The following MRC2 variants were observed in gnomAD, a reference collection of about 807,000 sequenced individuals.
MRC2 encodes the protein mannose receptor C-type 2.
In MRC2, 84 loss-of-function variants were observed where a neutral mutation model predicts 206.2. That is an observed-to-expected ratio of 0.41 (90% CI 0.34 to 0.49). The LOEUF (loss-of-function observed/expected upper bound fraction) is 0.49, where lower values mean the gene tolerates loss of function less well. Ranked by LOEUF, MRC2 falls within the 20% of genes least tolerant of loss-of-function variation. The pLI is 0.31. For missense variants in MRC2, 1,676 were observed against 2,001.5 expected (o/e 0.84, Z 3.10); for synonymous variants, 798 against 800.0 (o/e 1.00, Z 0.04).
rs376547621 is a variant in MRC2 at position 62,664,506 on chromosome 17, G to C, written c.119-42G>C. ...ACACCGGTCATCAAGGGCCAACCAGGAGAGCCCCTGTGATGCCTTCGTGTC... is the reference window on the plus strand; with the variant it reads ...ACACCGGTCATCAAGGGCCAACCAGCAGAGCCCCTGTGATGCCTTCGTGTC... On this transcript the variant is annotated intron_variant, in intron 1 of 29. Coordinates refer to ENST00000303375, the MANE Select transcript of MRC2 (RefSeq NM_006039.5). This position sits in a 1 kb window ranked among gnomAD's most constrained non-coding sequence, Gnocchi z 4.7. 6.4e-7 allele frequency: 1 copy of C among 1,568,292 alleles called. No individual in the cohort carries two copies. The highest frequency in any genetic ancestry group is 1.3e-5 in the African/African-American group (1 of 74,248).
intron 12 of MRC2, among the ~76,000 whole-genome samples, chr17:62,678,166 G>C (rs966885281): frequency 3.3e-5 from 5 of 152,218 alleles, no homozygotes; most frequent in Admixed American, 6.5e-5. Flanking sequence ...CTAGGTTTGG[G>C]AGCCACTGGC....
In MRC2 at chr17:62,627,874, C is replaced by T; in HGVS notation, c.72C>T (p.Cys24=). The change falls in exon 1 of 30, where the codon TGC becomes TGT. Residue 24 remains cysteine (C), a synonymous_variant. Coordinates refer to ENST00000303375, the MANE Select transcript of MRC2 (RefSeq NM_006039.5). ...TGCGCTGCGTCCTGCTCCTCGGGTG[C>T]CTGCACCTCGGCCGTCCCGGCGCCC... is the stretch of plus-strand genomic sequence containing the variant. ...HLLRCVLLLG[C]LHLGRPGAPG... 1 of 1,475,122 alleles carries T rather than the reference C, an allele frequency of 6.8e-7. No homozygotes were observed. Among genetic ancestry groups the T allele is most frequent in the Admixed American group, 2.4e-5 (1 of 41,844 alleles). 91.4% of individuals were successfully genotyped at this position (1,475,122 alleles called of 1,614,324 possible). A position where few individuals can be genotyped will look rare whatever the true frequency, so the allele number is the denominator to read the frequency against.
intron 1 of MRC2, among the ~76,000 whole-genome samples, chr17:62,640,520 T>G (rs1001955936): frequency 1.3e-5 from 2 of 151,994 alleles, no homozygotes; most frequent in Non-Finnish European, 2.9e-5. Flanking sequence ...GGTCCACTTT[T>G]TTGTTTTGTT....
At chr17:62,653,541 G>A (rs929025832) in intron 1 of MRC2, among the ~76,000 whole-genome samples, 3 of 152,180 alleles carry the variant, frequency 2.0e-5, no homozygotes, top group African/African-American at 7.2e-5. Context: ...GGATATCACA[G>A]TCTGCAGCAC....
At chr17:62,662,523 C>A (rs2088693049) in intron 1 of MRC2, among the ~76,000 whole-genome samples, 1 of 152,204 alleles carries the variant, frequency 6.6e-6, no homozygotes, top group Non-Finnish European at 1.5e-5. Context: ...TGTATTATCT[C>A]ATTTCATCGT....
Position 62,664,904 on chromosome 17 carries a change from CGCATCTACGGCA to C in MRC2, c.478_489del (p.Ile160_Ser163del). ...TGACCAGACCCGCAGTGGCCAGTGG[CGCATCTACGGCA>C]GCGAGGAGGACCTATGTGCTCTGCC... On this transcript the variant is annotated inframe_deletion, in exon 2 of 30. Transcript: ENST00000303375. The surrounding 1 kb of genome is among the most constrained non-coding windows in gnomAD (Gnocchi z 4.7). 6.2e-7 allele frequency: 1 copy of C among 1,612,922 alleles called. No homozygotes were observed.
At chr17:62,673,939 A>C in intron 8 of MRC2, 124 bp from the exon 9 acceptor site, 4 of 736,768 alleles carry the variant, frequency 5.4e-6, no homozygotes, top group Non-Finnish European at 9.2e-6. Context: ...GCTGGGACAC[A>C]GACATGTCAG....
intron 6 of MRC2, among the ~76,000 whole-genome samples, chr17:62,670,535 A>G (rs182584602): frequency 2.8e-4 from 43 of 152,388 alleles, no homozygotes; most frequent in Non-Finnish European, 1.5e-5. Flanking sequence ...CTGCCCGAGC[A>G]TGACACTGTG....
At position 62,690,009 on chromosome 17, in the gene MRC2, G is replaced by C; in HGVS notation, c.3689G>C (p.Arg1230Pro). 6.2e-7 allele frequency: 1 copy of C among 1,611,254 alleles called. No homozygotes were observed. Among genetic ancestry groups the C allele is most frequent in the South Asian group, 1.1e-5 (1 of 90,806 alleles). Residue 1230 changes from arginine (R) to proline (P), a missense_variant, in exon 25 of 30, where the codon CGC becomes CCC. Arg to Pro is a moderately radical substitution (Grantham distance 103). Coordinates refer to ENST00000303375, the MANE Select transcript of MRC2 (RefSeq NM_006039.5). ...CTYVDVDGAWRTTSCDTKLQG... is the reference protein window; with the variant it reads ...CTYVDVDGAWPTTSCDTKLQG... ...TACGTAGATGTGGACGGGGCCTGGC[G>C]CACCACCAGCTGTGACACCAAGCTG...
chr17:62,673,685 T>C (rs1013465961), intron 8 of MRC2, among the ~76,000 whole-genome samples: 1 of 152,014 alleles, frequency 6.6e-6, no homozygotes, highest in African/African-American at 2.4e-5. Context: ...ACTTTTTGTA[T>C]TTTCAGTAGA....
Position 62,675,859 on chromosome 17 carries a change from C to A in MRC2, c.1639C>A (p.Arg547Ser). 1 of 1,614,116 alleles carries A rather than the reference C, an allele frequency of 6.2e-7. No individual in the cohort carries two copies. The highest frequency in any genetic ancestry group is 8.5e-7 in the Non-Finnish European group (1 of 1,180,004). Residue 547 changes from arginine (R) to serine (S), a missense_variant, in exon 10 of 30, where the codon CGC becomes AGC. Physicochemically the swap from Arg to Ser is moderately radical, Grantham distance 110. Coordinates refer to ENST00000303375, the MANE Select transcript of MRC2 (RefSeq NM_006039.5). This position sits in a 1 kb window ranked among gnomAD's most constrained non-coding sequence, Gnocchi z 4.1. ...CCAAGTGACCTACAGTGAGGCCCGG[C>A]GCCTGTGCACTGACCATGGCTCTCA... Reference protein sequence around the residue: ...EDQVTYSEARRLCTDHGSQLV... With the variant: ...EDQVTYSEARSLCTDHGSQLV...
chr17:62,654,519 G>A (rs1160408359), intron 1 of MRC2, among the ~76,000 whole-genome samples: 1 of 152,100 alleles, frequency 6.6e-6, no homozygotes, highest in East Asian at 1.9e-4. Flanking sequence ...CTTGTGGAGA[G>A]CAGCCGTCTT....
chr17:62,653,027 C>G (rs1184347695), intron 1 of MRC2, among the ~76,000 whole-genome samples: 1 of 152,046 alleles, frequency 6.6e-6, no homozygotes, highest in Non-Finnish European at 1.5e-5. Context: ...CAAGGTGTGC[C>G]CGCCCCCGGG....
At chr17:62,630,333 C>T (rs1197910461) in intron 1 of MRC2, among the ~76,000 whole-genome samples, 7 of 152,118 alleles carry the variant, frequency 4.6e-5, no homozygotes, top group Non-Finnish European at 8.8e-5. Context: ...TTTTGCAGTT[C>T]AGGAAATGAA....
In MRC2 at chr17:62,667,623, G is replaced by A. The variant is rs1049354511; in HGVS notation, c.1117+90G>A. On this transcript the variant is annotated intron_variant, in intron 6 of 29. Transcript: ENST00000303375. This position sits in a 1 kb window ranked among gnomAD's most constrained non-coding sequence, Gnocchi z 4.1. The stretch of plus-strand genomic sequence containing the variant: ...CCGTGGCAGGCCCAGCCTCTCCTCC[G>A]GTTACCACCACAGCACAAGGGGACT... 1.3e-5 allele frequency: 18 copies of A among 1,415,986 alleles called. No homozygotes were observed. Among genetic ancestry groups the A allele is most frequent in the East Asian group, 5.2e-5 (2 of 38,520 alleles). The allele number at this position is 1,415,986 out of a possible 1,614,324, so 87.7% of individuals were successfully genotyped here.
intron 6 of MRC2, among the ~76,000 whole-genome samples, chr17:62,668,413 A>G (rs1194764620): frequency 6.6e-6 from 1 of 151,732 alleles, no homozygotes; most frequent in African/African-American, 2.4e-5. Flanking sequence ...AAAAAGAAAG[A>G]AAAAGAAAAA....
Position 62,666,667 on chromosome 17 carries a change from C to G in MRC2, c.859+48C>G. The G allele has an allele frequency of 6.6e-7, 1 of 1,513,580 alleles. No individual in the cohort carries two copies. Among genetic ancestry groups the G allele is most frequent in the Non-Finnish European group, 8.9e-7 (1 of 1,124,240 alleles). 93.8% of individuals were successfully genotyped at this position (1,513,580 alleles called of 1,614,324 possible). A position where few individuals can be genotyped will look rare whatever the true frequency, so the allele number is the denominator to read the frequency against. ...CTCGTGCCTCTGGAGGGCCCGGGCC[C>G]TTTCCGCTTGTGGGTTGGGGAGAGG... On this transcript the variant is annotated intron_variant, in intron 4 of 29. Transcript: ENST00000303375. The surrounding 1 kb of genome is among the most constrained non-coding windows in gnomAD (Gnocchi z 5.0).
chr17:62,663,334 A>T (rs1356476933), intron 1 of MRC2, among the ~76,000 whole-genome samples: 1 of 151,812 alleles, frequency 6.6e-6, no homozygotes, highest in Non-Finnish European at 1.5e-5. Flanking sequence ...TCACTGAAAC[A>T]TAACTCACAT....
Position 62,688,409 on chromosome 17 carries a change from G to A in MRC2, c.3061+6G>A. ...CACAAACCCCTTAGAGCAAGGTAGG[G>A]CCAGCCTATGGGGAGCCCCCAGTAT... On this transcript the variant is annotated splice_donor_region_variant and intron_variant, in intron 21 of 29. Transcript: ENST00000303375. The A allele has an allele frequency of 6.2e-7, 1 of 1,614,208 alleles. No homozygotes were observed. Among genetic ancestry groups the A allele is most frequent in the East Asian group, 2.2e-5 (1 of 44,882 alleles).
Sources: allele counts gnomAD v4.1 joint callset (sites outside exome capture counted in the v4.1 genomes callset), GRCh38; gene constraint gnomAD v4.1.1; non-coding constraint Gnocchi (gnomAD v3.1); transcripts MANE v1.5; gene names NCBI Gene and HGNC (gene_info 2026-07-23, HGNC 2026-07-21).